Variants in PDE6C observed in about 807,000 individuals in gnomAD.
PDE6C encodes cone cGMP-specific 3',5'-cyclic phosphodiesterase subunit alpha'.
PDE6C carries 75 observed loss-of-function variants against 113.1 expected under a neutral mutation model. The observed-to-expected ratio is 0.66, with a 90% CI of 0.55 to 0.80. The LOEUF is 0.80. Among genes scored for constraint, PDE6C ranks in the 30% least tolerant of loss-of-function variants. The pLI, the probability that PDE6C is intolerant of heterozygous loss-of-function variation, is 0.00. For missense variants in PDE6C, 912 were observed against 1,038.6 expected, an observed-to-expected ratio of 0.88 and a Z score of 1.67; for synonymous variants, 375 against 363.7, an observed-to-expected ratio of 1.03 and a Z score of -0.35.
intron 11 of PDE6C, among the ~76,000 whole-genome samples, chr10:93,637,571 T>C (rs1159031544): frequency 3.3e-5 from 5 of 152,250 alleles, no homozygotes; most frequent in Non-Finnish European, 5.9e-5. Flanking sequence ...TCTTTTGTTG[T>C]GCCCGATCAA....
chr10:93,635,316 G>A (rs1167123853), intron 9 of PDE6C, among the ~76,000 whole-genome samples, 181 bp from the exon 10 acceptor site: 1 of 152,024 alleles, frequency 6.6e-6, no homozygotes, highest in Non-Finnish European at 1.5e-5. Flanking sequence ...ACTTTAAAAA[G>A]CAATAATTCA....
At chr10:93,625,475 C>T (rs984552653) in intron 4 of PDE6C, 100 bp from the exon 5 acceptor site, 13 of 849,038 alleles carry the variant, frequency 1.5e-5, no homozygotes, top group Admixed American at 3.8e-5. Flanking sequence ...TCCAGAATTA[C>T]GTAGATTAAC....
At chr10:93,615,685 G>T (rs2058416736) in intron 1 of PDE6C, among the ~76,000 whole-genome samples, 1 of 152,154 alleles carries the variant, frequency 6.6e-6, no homozygotes, top group South Asian at 2.1e-4. Context: ...CCCGGCCCAG[G>T]CATTGGTATT....
In PDE6C at chr10:93,625,658, A is replaced by G. The variant is rs886047482; in HGVS notation, c.939+9A>G. 3 of 1,597,004 alleles carry G rather than the reference A, an allele frequency of 1.9e-6. No homozygotes were observed. The highest frequency in any genetic ancestry group is 4.5e-5 in the East Asian group (2 of 44,792). On this transcript the variant is annotated intron_variant, in intron 5 of 21. Coordinates refer to ENST00000371447, the MANE Select transcript of PDE6C (RefSeq NM_006204.4). ...AGACACCTGATGGCAGGGTACGTGC[A>G]AATGTCTTCCTTGATGCCATCTGTG...
Position 93,626,685 on chromosome 10 carries a change from G to T in PDE6C, c.985G>T (p.Glu329Ter), listed in dbSNP as rs2058474386. The stretch of plus-strand genomic sequence containing the variant: ...CATTGATTACATTTTACATGGAAAA[G>T]AAGAGATCAAAGTGATTCCGTGAGT... ...KIIDYILHGKEEIKVIPTPPA... is the reference protein window; with the variant it reads ...KIIDYILHGK The change falls in exon 6 of 22, where the codon GAA becomes TAA. Residue 329 changes from glutamate to a stop codon, truncating the protein, a stop_gained. Transcript: ENST00000371447. LOFTEE classifies it high-confidence loss of function. The T allele has an allele frequency of 6.2e-7, 1 of 1,604,862 alleles. No homozygotes were observed.
At chr10:93,634,694 G>T in intron 8 of PDE6C, 64 bp from the exon 9 acceptor site, 1 of 1,538,638 alleles carries the variant, frequency 6.5e-7, no homozygotes, top group South Asian at 1.1e-5. Flanking sequence ...AATATCCTGT[G>T]AATTTATGAT....
intron 1 of PDE6C, among the ~76,000 whole-genome samples, chr10:93,619,931 G>A (rs2058437313): frequency 6.6e-6 from 1 of 152,086 alleles, no homozygotes; most frequent in Admixed American, 6.5e-5. Context: ...AAGCACCCAG[G>A]GTGGAGTAGT....
chr10:93,615,079 C>A (rs904795315), intron 1 of PDE6C, among the ~76,000 whole-genome samples: 1 of 152,148 alleles, frequency 6.6e-6, no homozygotes, highest in Non-Finnish European at 1.5e-5. Flanking sequence ...ATGGCTTAAG[C>A]CCAGGAGTTC....
At chr10:93,637,313 G>A (rs2058538273) in intron 11 of PDE6C, among the ~76,000 whole-genome samples, 1 of 152,072 alleles carries the variant, frequency 6.6e-6, no homozygotes, top group Non-Finnish European at 1.5e-5. Flanking sequence ...CTACTGCTTA[G>A]GGGACTTCAG....
chr10:93,654,187 C>T (rs1463048787), intron 15 of PDE6C, among the ~76,000 whole-genome samples: 4 of 152,190 alleles, frequency 2.6e-5, no homozygotes, highest in Non-Finnish European at 5.9e-5. Flanking sequence ...AAGTGCTAGG[C>T]AGTTAGGCAG....
At position 93,622,578 on chromosome 10, in the gene PDE6C, G is replaced by A. The variant is rs190173504; in HGVS notation, c.864+506G>A. Among the ~76,000 whole-genome samples the A allele has an allele frequency of 1.5e-3, 220 of 150,112 alleles. 1 individual carries two copies. The highest frequency in any genetic ancestry group is 5.3e-3 in the African/African-American group (216 of 40,748). On this transcript the variant is annotated intron_variant, in intron 4 of 21. Coordinates refer to ENST00000371447, the MANE Select transcript of PDE6C (RefSeq NM_006204.4). ...GACAGACTACTTTCAGTGCCTCAAA[G>A]CCCTCTGTGCTTCACATATTCAACC...
chr10:93,659,730 G>T (rs2058657350), intron 18 of PDE6C, among the ~76,000 whole-genome samples: 1 of 152,196 alleles, frequency 6.6e-6, no homozygotes, highest in Admixed American at 6.5e-5. Flanking sequence ...CTCCCACTGG[G>T]TCACTCCCAT....
At chr10:93,635,338 T>C (rs1487291713) in intron 9 of PDE6C, among the ~76,000 whole-genome samples, 159 bp from the exon 10 acceptor site, 1 of 152,222 alleles carries the variant, frequency 6.6e-6, no homozygotes, top group Non-Finnish European at 1.5e-5. Context: ...CCAGTTTTAT[T>C]GTCTGAAGCT....
intron 14 of PDE6C, among the ~76,000 whole-genome samples, chr10:93,643,547 C>A (rs1219650881): frequency 2.0e-5 from 3 of 151,852 alleles, no homozygotes; most frequent in East Asian, 3.9e-4. Flanking sequence ...TGCTACCATG[C>A]CTGGCTAACT....
intron 1 of PDE6C, among the ~76,000 whole-genome samples, chr10:93,615,276 ATG>A (rs1447695682): frequency 6.6e-6 from 1 of 152,222 alleles, no homozygotes; most frequent in Non-Finnish European, 1.5e-5. Context: ...GGGTGACAGA[ATG>A]AAACCCTGTC....
chr10:93,651,189 C>T (rs558229793), intron 15 of PDE6C, among the ~76,000 whole-genome samples: 3 of 152,144 alleles, frequency 2.0e-5, no homozygotes, highest in South Asian at 2.1e-4. Context: ...TGCCTAGTAC[C>T]ATGGAAGAAG....
intron 8 of PDE6C, among the ~76,000 whole-genome samples, chr10:93,631,338 G>A (rs570557457): frequency 6.6e-6 from 1 of 152,318 alleles, no homozygotes; most frequent in Admixed American, 6.5e-5. Context: ...CTGTGCTGAG[G>A]CCACACGCTC....
At chr10:93,635,718 G>A (rs537196420) in intron 10 of PDE6C, 78 bp downstream of exon 10, 2 of 1,470,248 alleles carry the variant, frequency 1.4e-6, no homozygotes, top group East Asian at 2.3e-5. Flanking sequence ...TTACCCAGGG[G>A]TCTGACAAAT....
In PDE6C at chr10:93,665,301, A is replaced by G. The variant is rs2058685055; in HGVS notation, c.2519-59A>G. On this transcript the variant is annotated intron_variant, in intron 21 of 21. Transcript: ENST00000371447. ...GACACTACTATCATGGGAATGTTAG[A>G]ATAAAAACACTGTATATCCACTAAC... 7 of 1,238,492 alleles carry G rather than the reference A, an allele frequency of 5.7e-6. No homozygotes were observed. The Admixed American group carries it at 1.2e-4, about 21-fold the overall frequency. 76.7% of individuals were successfully genotyped at this position (1,238,492 alleles called of 1,614,324 possible).
Sources: allele counts gnomAD v4.1 joint callset (sites outside exome capture counted in the v4.1 genomes callset), GRCh38; gene constraint gnomAD v4.1.1; transcripts MANE v1.5; gene names NCBI Gene and HGNC (gene_info 2026-07-23, HGNC 2026-07-21).